MED1: variants seen among roughly 807,000 people sequenced by gnomAD.
MED1 encodes the protein mediator of RNA polymerase II transcription subunit 1.
In MED1, 17 loss-of-function variants were observed where a neutral mutation model predicts 121.3. That is an observed-to-expected ratio of 0.14 (90% confidence interval 0.10 to 0.21). The LOEUF (loss-of-function observed/expected upper bound fraction) is 0.21, where lower values mean the gene tolerates loss of function less well. Among genes scored for constraint, MED1 ranks in the 10% least tolerant of loss-of-function variants. The pLI is 1.00. For synonymous variants in MED1, 661 were observed against 694.4 expected, an observed-to-expected ratio of 0.95 and a Z score of 0.76; for missense variants, 1,558 against 1,919.4, an observed-to-expected ratio of 0.81 and a Z score of 3.52.
intron 6 of MED1, among the ~76,000 whole-genome samples, chr17:39,435,470 A>G (rs969247596): frequency 2.6e-5 from 4 of 151,732 alleles, no homozygotes; most frequent in Non-Finnish European, 5.9e-5. Context: ...CTAACTCTTG[A>G]TATCTTTTTT....
Position 39,440,001 on chromosome 17 carries a change from G to GGAAGGAAGGAAGGAAA in MED1, c.399+384_399+385insTTTCCTTCCTTCCTTC, listed in dbSNP as rs1567651963. 8.3e-6 allele frequency among the ~76,000 whole-genome samples: 1 copy of GGAAGGAAGGAAGGAAA among 121,208 alleles called. No homozygotes were observed. The highest frequency in any genetic ancestry group is 2.3e-4 in the East Asian group (1 of 4,396). 79.5% of individuals were successfully genotyped at this position (121,208 alleles called of 152,430 possible). On this transcript the variant is annotated intron_variant, in intron 5 of 16. Coordinates refer to ENST00000300651, the MANE Select transcript of MED1 (RefSeq NM_004774.4). The surrounding 1 kb of genome is among the most constrained non-coding windows in gnomAD (Gnocchi z 4.1). ...AAGAAAGAAAGAAGGAAGGAAGGAA[G>GGAAGGAAGGAAGGAAA]GAAGGAAGGAAGGAAGGAAAGAAAG...
In MED1 at chr17:39,433,987, T is replaced by C. The variant is rs773018197; in HGVS notation, c.500+262A>G. Among the ~76,000 whole-genome samples, 7 of 152,328 alleles carry C rather than the reference T, an allele frequency of 4.6e-5. No homozygotes were observed. In the South Asian group the frequency reaches 1.5e-3, roughly 32 times the overall value. On this transcript the variant is annotated intron_variant, in intron 7 of 16. Coordinates refer to ENST00000300651, the MANE Select transcript of MED1 (RefSeq NM_004774.4). ...TTAAAGCCAGTTCCACAGCAACTAA[T>C]TCCTTTCAGCCTAGAAATTGGAATG...
chr17:39,414,634 CTTTTTTT>C lies in MED1; in HGVS notation c.1499+385_1499+391del, dbSNP rs55829399. On this transcript the variant is annotated intron_variant, in intron 16 of 16. Transcript: ENST00000300651. Reference sequence around the variant, plus strand: ...ACAGGCGTGAGCCACCAGGCCCGGCCTTTTTTTTTTTTTTTTTTTTTTTTTTTTTTTT... The same window carrying C: ...ACAGGCGTGAGCCACCAGGCCCGGCCTTTTTTTTTTTTTTTTTTTTTTTTT... 5.4e-3 allele frequency among the ~76,000 whole-genome samples: 335 copies of C among 61,562 alleles called. 91 individuals are homozygous for C. The highest frequency in any genetic ancestry group is 0.024 in the East Asian group (40 of 1,666). The allele number at this position is 61,562 out of a possible 152,430, so 40.4% of individuals were successfully genotyped here. A position where few individuals can be genotyped will look rare whatever the true frequency, so the allele number is the denominator to read the frequency against.
At chr17:39,427,964 C>G (rs1174681409) in intron 9 of MED1, among the ~76,000 whole-genome samples, 174 bp from the exon 10 acceptor site, 1 of 152,064 alleles carries the variant, frequency 6.6e-6, no homozygotes, top group African/African-American at 2.4e-5. Context: ...CACCTGTAAT[C>G]CTGGCTCTCT....
At position 39,407,929 on chromosome 17, in the gene MED1, T is replaced by C. The variant is rs1274875563; in HGVS notation, c.4292A>G (p.Tyr1431Cys). ...GGAACCACTGATGAGTGGAGAGCCA[T>C]AGTTTTTAGAAGAAGCCATTTGAGG... ...LRPQMASSKN[Y>C]GSPLISGSTP... is the part of the protein sequence containing the mutation. The change falls in exon 17 of 17, where the codon TAT becomes TGT. Residue 1431 changes from tyrosine (Y) to cysteine (C), a missense_variant. Tyr to Cys is a radical substitution (Grantham distance 194). Transcript: ENST00000300651. 1.9e-6 allele frequency: 3 copies of C among 1,614,146 alleles called. No homozygotes were observed. The highest frequency in any genetic ancestry group is 2.5e-6 in the Non-Finnish European group (3 of 1,180,040).
rs772142421 is a variant in MED1, at chr17:39,408,502, C to T, written c.3719G>A (p.Ser1240Asn). ...GGSHMSGTSS[S>N]SGMKSSSGLG... Reference sequence around the variant, plus strand: ...CCCTGAAGATGACTTCATGCCAGAGCTTGAACTAGTTCCAGACATATGAGA... The same window carrying T: ...CCCTGAAGATGACTTCATGCCAGAGTTTGAACTAGTTCCAGACATATGAGA... The change falls in exon 17 of 17, where the codon AGC (serine) becomes AAC (asparagine). Residue 1240 changes from serine to asparagine, a missense_variant. By Grantham distance (46) the Ser-to-Asn change is conservative (BLOSUM62 1). Around this residue, in one of 5 missense-constraint regions of MED1, gnomAD observed 793 missense variants for 898.2 expected, o/e 0.88. Coordinates refer to ENST00000300651, the MANE Select transcript of MED1 (RefSeq NM_004774.4). This position sits in a 1 kb window ranked among gnomAD's most constrained non-coding sequence, Gnocchi z 4.7. 2 of 1,614,162 alleles carry T rather than the reference C, an allele frequency of 1.2e-6. No individual in the cohort carries two copies. The highest frequency in any genetic ancestry group is 1.7e-6 in the Non-Finnish European group (2 of 1,180,036).
intron 3 of MED1, among the ~76,000 whole-genome samples, chr17:39,442,064 C>T (rs1392184318): frequency 6.6e-6 from 1 of 150,776 alleles, no homozygotes; most frequent in Non-Finnish European, 1.5e-5. Context: ...GATCGTGCCA[C>T]TGCACTCCAG....
In MED1 at chr17:39,407,743, C is replaced by G. The variant is rs2048316344; in HGVS notation, c.4478G>C (p.Ser1493Thr). 1 of 1,614,072 alleles carries G rather than the reference C, an allele frequency of 6.2e-7. No individual in the cohort carries two copies. Among genetic ancestry groups the G allele is most frequent in the African/African-American group, 1.3e-5 (1 of 75,020 alleles). The change falls in exon 17 of 17, where the codon AGC becomes ACC. Residue 1493 changes from serine (S) to threonine (T), a missense_variant. Coordinates refer to ENST00000300651, the MANE Select transcript of MED1 (RefSeq NM_004774.4). ...DDGIRPLPEY[S>T]TEKHKKHKKE... is the part of the protein sequence containing the mutation. ...TTTGTGCTTCTTATGTTTCTCTGTGCTGTATTCTGGAAGTGGTCGGATACC... is the reference window on the plus strand; with the variant it reads ...TTTGTGCTTCTTATGTTTCTCTGTGGTGTATTCTGGAAGTGGTCGGATACC...
intron 14 of MED1, among the ~76,000 whole-genome samples, chr17:39,418,308 T>C (rs1267511056): frequency 6.6e-6 from 1 of 151,910 alleles, no homozygotes; most frequent in African/African-American, 2.4e-5. Flanking sequence ...GGAGGCCTAG[T>C]CAAGAGGATC....
chr17:39,426,787 G>A (rs2048518900), intron 10 of MED1, among the ~76,000 whole-genome samples: 2 of 152,126 alleles, frequency 1.3e-5, no homozygotes, highest in South Asian at 4.1e-4. Flanking sequence ...GCCCACCTCA[G>A]CCTCCCAAAG....
chr17:39,407,835 G>A lies in MED1; in HGVS notation c.4386C>T (p.Asp1462=). ...KSPAYTPQNL[D]SESESGSSIA... ...TGGAGGAGCCTGACTCACTTTCACT[G>A]TCCAGATTCTGGGGGGTATATGCTG... The change falls in exon 17 of 17, where the codon GAC becomes GAT. Residue 1462 remains aspartate, a synonymous_variant. Transcript: ENST00000300651. 1 of 1,614,126 alleles carries A rather than the reference G, an allele frequency of 6.2e-7. No homozygotes were observed. The highest frequency in any genetic ancestry group is 8.5e-7 in the Non-Finnish European group (1 of 1,180,004).
At position 39,415,038 on chromosome 17, in the gene MED1, T is replaced by C; in HGVS notation, c.1487A>G (p.Lys496Arg). 6.2e-7 allele frequency: 1 copy of C among 1,613,908 alleles called. No individual in the cohort carries two copies. Among genetic ancestry groups the C allele is most frequent in the East Asian group, 2.2e-5 (1 of 44,874 alleles). Residue 496 changes from lysine (K) to arginine (R), a missense_variant, in exon 16 of 17, where the codon AAA (lysine) becomes AGA (arginine). Physicochemically the swap from Lys to Arg is conservative, Grantham distance 26. Coordinates refer to ENST00000300651, the MANE Select transcript of MED1 (RefSeq NM_004774.4). The stretch of plus-strand genomic sequence containing the variant: ...GGGCCAAGGCTACCTTTGAACAACT[T>C]TGGCAATGAAGTCATCTGTGCAGAT... ...ALICTDDFIA[K>R]VVQRCMSIPV...
intron 9 of MED1, among the ~76,000 whole-genome samples, chr17:39,428,737 G>T (rs1242186665): frequency 1.3e-5 from 2 of 152,040 alleles, no homozygotes; most frequent in Non-Finnish European, 2.9e-5. Context: ...CAGATCACGA[G>T]GTCAGGAGAT....
chr17:39,439,097 C>A, intron 6 of MED1, 68 bp downstream of exon 6: 1 of 1,427,244 alleles, frequency 7.0e-7, no homozygotes, highest in South Asian at 1.3e-5. Flanking sequence ...TCTGACCAGT[C>A]TTAAAAGCCA....
Position 39,407,081 on chromosome 17 carries a change from C to T in MED1, c.*394G>A. 2 of 993,304 alleles carry T rather than the reference C, an allele frequency of 2.0e-6. No individual in the cohort carries two copies. Among genetic ancestry groups the T allele is most frequent in the Non-Finnish European group, 2.4e-6 (2 of 835,086 alleles). The allele number at this position is 993,304 out of a possible 1,614,324, so 61.5% of individuals were successfully genotyped here. ...TTGCTTTTTCATTTTCTGCCCAGCC[C>T]TTCATATACATGCACTAAAATGAGT... is the stretch of plus-strand genomic sequence containing the variant. On this transcript the variant is annotated 3_prime_UTR_variant, in exon 17 of 17. Coordinates refer to ENST00000300651, the MANE Select transcript of MED1 (RefSeq NM_004774.4).
chr17:39,437,807 G>A (rs1206479920), intron 6 of MED1, among the ~76,000 whole-genome samples: 1 of 151,886 alleles, frequency 6.6e-6, no homozygotes. Context: ...GGTAGCACAT[G>A]CCTGTAATCC....
At chr17:39,433,390 A>C (rs1295706031) in intron 7 of MED1, among the ~76,000 whole-genome samples, 3 of 151,536 alleles carry the variant, frequency 2.0e-5, no homozygotes, top group African/African-American at 4.8e-5. Context: ...AAAAAAAAAA[A>C]ACATTTTAAA....
intron 1 of MED1, 150 bp from the exon 2 acceptor site, chr17:39,448,054 G>T: frequency 1.8e-6 from 1 of 561,962 alleles, no homozygotes; most frequent in Non-Finnish European, 3.1e-6. Context: ...ATCCAAAGAA[G>T]ACATTTTTAA....
chr17:39,412,185 G>A (rs188850402), intron 16 of MED1, among the ~76,000 whole-genome samples: 4 of 150,738 alleles, frequency 2.7e-5, no homozygotes, highest in South Asian at 2.1e-4. Flanking sequence ...ACCTCAGTTT[G>A]CAAACGTTTT....
Sources: gnomAD v4.1 joint callset for allele counts (sites outside exome capture counted in the v4.1 genomes callset) on GRCh38, gnomAD v4.1.1 for gene constraint, gnomAD v4.1.1 regional missense constraint, Gnocchi (gnomAD v3.1) non-coding constraint, MANE v1.5 for transcripts, NCBI Gene and HGNC (gene_info 2026-07-23, HGNC 2026-07-21) for gene names.